Variants in XIRP2 observed in about 807,000 individuals in gnomAD.
XIRP2 encodes the protein xin actin-binding repeat-containing protein 2.
XIRP2 carries 236 observed loss-of-function variants against 277.0 expected under a neutral mutation model. That is an observed-to-expected ratio of 0.85 (90% CI 0.77 to 0.95). XIRP2 has a LOEUF of 0.95. XIRP2 is among the 40% of genes least tolerant of loss of function. The pLI, the probability that XIRP2 is intolerant of heterozygous loss-of-function variation, is 0.00. For missense variants in XIRP2, 4,640 were observed against 4,157.5 expected (o/e 1.12, Z -3.19); for synonymous variants, 1,490 against 1,416.5 (o/e 1.05, Z -1.17).
intron 3 of XIRP2, among the ~76,000 whole-genome samples, chr2:167,174,856 A>G (rs1692791684): frequency 6.6e-6 from 1 of 152,204 alleles, no homozygotes; most frequent in Admixed American, 6.5e-5. Flanking sequence ...GTAGTCATTC[A>G]GGAGCAAGTT....
intron 3 of XIRP2, among the ~76,000 whole-genome samples, chr2:167,159,886 G>T (rs928573320): frequency 6.6e-5 from 10 of 152,000 alleles, no homozygotes; most frequent in Non-Finnish European, 1.3e-4. Flanking sequence ...AATAAAAAAG[G>T]CTATGTGCAT....
chr2:167,210,067 C>T (rs1340823557), intron 3 of XIRP2, among the ~76,000 whole-genome samples: 1 of 152,056 alleles, frequency 6.6e-6, no homozygotes, highest in Non-Finnish European at 1.5e-5. Flanking sequence ...GAAATGGGTG[C>T]CTGACAAAGC....
Position 166,964,721 on chromosome 2 carries a change from C to G in XIRP2, c.408+60831C>G, listed in dbSNP as rs115134464. Among the ~76,000 whole-genome samples, 629 of 151,914 alleles carry G rather than the reference C, an allele frequency of 4.1e-3. 5 individuals carry two copies. The highest frequency in any genetic ancestry group is 0.014 in the African/African-American group (591 of 41,492). ...TGTTGTATTTGTATATAAATTTAGC[C>G]TCCATATACATTTCAGAAGTGTTGG... is the stretch of plus-strand genomic sequence containing the variant. On this transcript the variant is annotated intron_variant, in intron 2 of 10. Transcript: ENST00000409195.
chr2:167,212,005 G>T (rs868353764), intron 4 of XIRP2, among the ~76,000 whole-genome samples: 2 of 152,176 alleles, frequency 1.3e-5, no homozygotes, highest in East Asian at 1.9e-4. Flanking sequence ...AAAAGGTGGT[G>T]TATTAAAATA....
At chr2:167,139,100 G>A (rs936001765) in intron 3 of XIRP2, among the ~76,000 whole-genome samples, 4 of 148,344 alleles carry the variant, frequency 2.7e-5, no homozygotes, top group Admixed American at 6.8e-5. Flanking sequence ...ATATACGTAC[G>A]TATATATATG....
chr2:167,181,210 G>C (rs1489244860), intron 3 of XIRP2, among the ~76,000 whole-genome samples: 2 of 152,208 alleles, frequency 1.3e-5, no homozygotes, highest in Non-Finnish European at 2.9e-5. Context: ...GGCTGGTCCA[G>C]AAGATGTTTA....
chr2:167,079,459 T>C lies in XIRP2; in HGVS notation c.409-56450T>C, dbSNP rs148288813. Among the ~76,000 whole-genome samples the C allele has an allele frequency of 1.4e-4, 22 of 152,290 alleles. No homozygotes were observed. The East Asian group carries it at 2.5e-3, about 17-fold the overall frequency. ...AGAATTCGGCTGTGAATTCCTTTGA[T>C]TGGGGCCTTTTATTGGTTGGTGGGT... On this transcript the variant is annotated intron_variant, in intron 2 of 10. Coordinates refer to ENST00000409195, the MANE Select transcript of XIRP2 (RefSeq NM_152381.6).
rs1695156353 is a variant in XIRP2, at chr2:167,243,786, A to G, written c.2394A>G (p.Glu798=). ...AAGTTGTCCGAGGAATATCCATGGA[A>G]GAAAATGTCAAAGGTGGGGTGAGTA... The part of the protein sequence containing the change: ...EIKVVRGISM[E]ENVKGGVSKA... The change falls in exon 9 of 11, where the codon GAA becomes GAG. Residue 798 remains glutamate, a synonymous_variant. Transcript: ENST00000409195. 2.5e-6 allele frequency: 4 copies of G among 1,613,984 alleles called. No homozygotes were observed. Among genetic ancestry groups the G allele is most frequent in the African/African-American group, 1.3e-5 (1 of 74,930 alleles).
chr2:167,198,564 T>C (rs1028550839), intron 3 of XIRP2, among the ~76,000 whole-genome samples: 2 of 152,186 alleles, frequency 1.3e-5, no homozygotes, highest in Non-Finnish European at 2.9e-5. Context: ...CATTGATTCT[T>C]AACATTTCGG....
At chr2:166,980,969 C>G (rs1157855698) in intron 2 of XIRP2, among the ~76,000 whole-genome samples, 4 of 152,070 alleles carry the variant, frequency 2.6e-5, no homozygotes, top group African/African-American at 7.2e-5. Flanking sequence ...TTTTCACAAC[C>G]CACGTATGGT....
At chr2:166,986,510 A>G (rs1323204202) in intron 2 of XIRP2, among the ~76,000 whole-genome samples, 2 of 152,246 alleles carry the variant, frequency 1.3e-5, no homozygotes, top group Non-Finnish European at 2.9e-5. Flanking sequence ...GTATATGTCA[A>G]AAGTGAAGAA....
intron 2 of XIRP2, among the ~76,000 whole-genome samples, chr2:167,024,527 G>A (rs1400554586): frequency 2.0e-5 from 3 of 152,096 alleles, no homozygotes; most frequent in Non-Finnish European, 1.5e-5. Flanking sequence ...TCCCTGTCTT[G>A]TGCCAGTTTT....
intron 2 of XIRP2, among the ~76,000 whole-genome samples, chr2:167,050,954 T>C (rs1688898597): frequency 6.6e-6 from 1 of 152,006 alleles, no homozygotes; most frequent in South Asian, 2.1e-4. Context: ...CAAACCTCCC[T>C]AATATATACA....
intron 3 of XIRP2, among the ~76,000 whole-genome samples, chr2:167,164,418 C>T (rs1692463639): frequency 7.2e-6 from 1 of 138,698 alleles, no homozygotes. Context: ...TGCAGTCCAG[C>T]CTGGGCGAAA....
In XIRP2 at chr2:167,191,167, C is replaced by T. The variant is rs1466902087; in HGVS notation, c.563-19568C>T. ...TGCCACTGCACTCCAGCCCGGGTGA[C>T]AGAGTGAGACCCTGTCTCAAAAAAA... On this transcript the variant is annotated intron_variant, in intron 3 of 10. Coordinates refer to ENST00000409195, the MANE Select transcript of XIRP2 (RefSeq NM_152381.6). 8.1e-5 allele frequency among the ~76,000 whole-genome samples: 10 copies of T among 122,840 alleles called. No individual in the cohort carries two copies. In the Admixed American group the frequency reaches 1.0e-3, roughly 13 times the overall value. The allele number at this position is 122,840 out of a possible 152,430, so 80.6% of individuals were successfully genotyped here.
At chr2:167,057,124 A>G (rs143853572) in intron 2 of XIRP2, among the ~76,000 whole-genome samples, 3 of 152,260 alleles carry the variant, frequency 2.0e-5, no homozygotes, top group African/African-American at 7.2e-5. Context: ...ATCTATTACC[A>G]TCATCAACAC....
intron 2 of XIRP2, among the ~76,000 whole-genome samples, chr2:167,015,998 G>C (rs899830907): frequency 6.6e-6 from 1 of 151,560 alleles, no homozygotes; most frequent in Non-Finnish European, 1.5e-5. Context: ...AACATGACTT[G>C]CATTTTCCCC....
rs575388337 is a variant in XIRP2, at chr2:167,242,723, C to G, written c.1331C>G (p.Thr444Ser). 1.1e-5 allele frequency: 17 copies of G among 1,614,092 alleles called. No individual in the cohort carries two copies. The South Asian group carries it at 1.9e-4, about 18-fold the overall frequency. Residue 444 changes from threonine (T) to serine (S), a missense_variant, in exon 9 of 11, where the codon ACT becomes AGT. By Grantham distance (58) the Thr-to-Ser change is moderately conservative (BLOSUM62 1). Transcript: ENST00000409195. ...TSSTLAQINA[T>S]SSGMTEEFPP... is the part of the protein sequence containing the mutation. ...TCAACTCTGGCACAAATTAATGCTA[C>G]TTCTTCAGGAATGACAGAAGAATTT...
chr2:167,136,158 A>G (rs1691545355), intron 3 of XIRP2, 96 bp downstream of exon 3: 1 of 1,271,428 alleles, frequency 7.9e-7, no homozygotes, highest in Non-Finnish European at 1.0e-6. Flanking sequence ...TTTAAAAATT[A>G]GTAAGGAAAA....
Sources: gnomAD v4.1 joint callset for allele counts (sites outside exome capture counted in the v4.1 genomes callset) on GRCh38, gnomAD v4.1.1 for gene constraint, MANE v1.5 for transcripts, NCBI Gene and HGNC (gene_info 2026-07-23, HGNC 2026-07-21) for gene names.